Variants in NAV1 observed in about 807,000 individuals in gnomAD.
NAV1 encodes the protein pore membrane and/or filament interacting like protein 3.
NAV1 carries 18 observed loss-of-function variants against 175.2 expected under a neutral mutation model. That is an observed-to-expected ratio of 0.10 (90% CI 0.07 to 0.15). NAV1 has a LOEUF of 0.15. NAV1 is among the 10% of genes least tolerant of loss of function. NAV1 has a pLI of 1.00. For missense variants in NAV1, 1,731 were observed against 2,436.6 expected (o/e 0.71, Z 6.10); for synonymous variants, 897 against 978.7 (o/e 0.92, Z 1.56).
intron 1 of NAV1, among the ~76,000 whole-genome samples, chr1:201,564,146 A>G (rs901444797): frequency 6.9e-6 from 1 of 144,132 alleles, no homozygotes; most frequent in African/African-American, 2.7e-5. Flanking sequence ...AGGGAGGAAG[A>G]AAGGAAGGAA....
In NAV1 at chr1:201,702,678, C is replaced by CTCTCTCTCTCTT. The variant is rs1558080575; in HGVS notation, c.758-10128_758-10127insTTCTCTCTCTCT. Among the ~76,000 whole-genome samples the CTCTCTCTCTCTT allele has an allele frequency of 4.1e-3, 45 of 10,980 alleles. 8 individuals carry two copies. The highest frequency in any genetic ancestry group is 0.011 in the African/African-American group (42 of 3,768). 7.2% of individuals were successfully genotyped at this position (10,980 alleles called of 152,430 possible). A position where few individuals can be genotyped will look rare whatever the true frequency, so the allele number is the denominator to read the frequency against. ...GTGAATTTTGGTATGTGAATTCTCTCTCTCTCTCTCTCTCTCTCTCTCTCT... is the reference window on the plus strand; with the variant it reads ...GTGAATTTTGGTATGTGAATTCTCTCTCTCTCTCTCTTTCTCTCTCTCTCTCTCTCTCTCTCT... On this transcript the variant is annotated intron_variant, in intron 1 of 29. Transcript: ENST00000367296.
intron 3 of NAV1, among the ~76,000 whole-genome samples, chr1:201,719,157 CAAAA>C (rs10716495): frequency 7.4e-6 from 1 of 134,452 alleles, no homozygotes. Context: ...TTCCCATTTG[CAAAA>C]AAAAAAAAAA....
chr1:201,634,237 T>C (rs962799048), intron 2 of NAV1, among the ~76,000 whole-genome samples: 6 of 152,224 alleles, frequency 3.9e-5, no homozygotes, highest in African/African-American at 1.4e-4. Flanking sequence ...GGTAAAGCGC[T>C]TAGAAGAATG....
chr1:201,711,031 C>A lies in NAV1; in HGVS notation c.758-1786C>A, dbSNP rs914112191. ...TTTAGAATTCAACTTTATTTCTTGG[C>A]GAGTCTAAAAAATTGACCCTGTCTG... On this transcript the variant is annotated intron_variant, in intron 1 of 29. Coordinates refer to ENST00000367296, the Ensembl canonical transcript of NAV1. Among the ~76,000 whole-genome samples the A allele has an allele frequency of 7.9e-5, 12 of 152,198 alleles. 1 individual carries two copies. Among genetic ancestry groups the A allele is most frequent in the African/African-American group, 2.2e-4 (9 of 41,448 alleles).
chr1:201,663,340 A>G (rs1010658437), intron 1 of NAV1, among the ~76,000 whole-genome samples: 1 of 152,086 alleles, frequency 6.6e-6, no homozygotes, highest in African/African-American at 2.4e-5. Flanking sequence ...AAAGGGTAGC[A>G]CCTTATGTTC....
chr1:201,642,972 CACCG>C lies in NAV1; in HGVS notation c.5-5661_5-5658del, dbSNP rs1196637844. 3.6e-3 allele frequency among the ~76,000 whole-genome samples: 541 copies of C among 152,116 alleles called. 2 individuals are homozygous for C. The highest frequency in any genetic ancestry group is 0.012 in the African/African-American group (491 of 41,514). ...GTTTGTTTTAGTAGAGAAGGGGTTT[CACCG>C]TGTTAGCCAGGATGGTCTCAATCTC... On this transcript the variant is annotated intron_variant, in intron 2 of 29. Coordinates refer to the NAV1 transcript ENST00000367302.
chr1:201,665,591 CCCCCCCCACTG>C (rs1423781436), intron 1 of NAV1, among the ~76,000 whole-genome samples: 1 of 68,110 alleles, frequency 1.5e-5, no homozygotes, highest in Non-Finnish European at 2.9e-5. Context: ...GAGCACCCCA[CCCCCCCCACTG>C]CCCACCACCT....
intron 1 of NAV1, among the ~76,000 whole-genome samples, chr1:201,679,597 C>T (rs921113846): frequency 1.3e-5 from 2 of 152,204 alleles, no homozygotes; most frequent in African/African-American, 4.8e-5. Context: ...CCAGATACTT[C>T]ACGTGTCTTA....
Position 201,788,770 on chromosome 1 carries a change from A to C in NAV1, c.3166+132A>C, listed in dbSNP as rs926350732. 1 of 1,143,376 alleles carries C rather than the reference A, an allele frequency of 8.7e-7. No homozygotes were observed. Among genetic ancestry groups the C allele is most frequent in the Non-Finnish European group, 1.2e-6 (1 of 822,706 alleles). 70.8% of individuals were successfully genotyped at this position (1,143,376 alleles called of 1,614,324 possible). A position where few individuals can be genotyped will look rare whatever the true frequency, so the allele number is the denominator to read the frequency against. ...ACAGAACATCAAGTTGGGCCATTTC[A>C]GTTTTTTCTCCCCATCCCTTTGAAG... On this transcript the variant is annotated intron_variant, in intron 10 of 29. Coordinates refer to ENST00000367296, the Ensembl canonical transcript of NAV1. This position sits in a 1 kb window ranked among gnomAD's most constrained non-coding sequence, Gnocchi z 5.7.
intron 3 of NAV1, among the ~76,000 whole-genome samples, chr1:201,725,770 A>C (rs1182086634): frequency 6.6e-6 from 1 of 152,152 alleles, no homozygotes; most frequent in Non-Finnish European, 1.5e-5. Context: ...AGGCCTGGGC[A>C]ACATAGCAAG....
At chr1:201,720,002 G>A (rs1672308005) in intron 3 of NAV1, among the ~76,000 whole-genome samples, 2 of 152,226 alleles carry the variant, frequency 1.3e-5, no homozygotes, top group African/African-American at 2.4e-5. Flanking sequence ...AACAACTGAC[G>A]CATGAATGGA....
At chr1:201,600,365 C>T (rs1438613729) in intron 2 of NAV1, among the ~76,000 whole-genome samples, 1 of 152,224 alleles carries the variant, frequency 6.6e-6, no homozygotes, top group Non-Finnish European at 1.5e-5. Context: ...TTCTCCTTTT[C>T]CCCTGAAGCA....
Position 201,694,451 on chromosome 1 carries a change from G to A in NAV1, c.758-18366G>A, listed in dbSNP as rs1218142107. Among the ~76,000 whole-genome samples the A allele has an allele frequency of 6.6e-6, 1 of 152,174 alleles. No homozygotes were observed. Among genetic ancestry groups the A allele is most frequent in the Non-Finnish European group, 1.5e-5 (1 of 68,034 alleles). On this transcript the variant is annotated intron_variant, in intron 1 of 29. Transcript: ENST00000367296. The surrounding 1 kb of genome is among the most constrained non-coding windows in gnomAD (Gnocchi z 4.2). ...CATTAAAGATAGATGACCCTGGGGA[G>A]GGTGAGGGCCGGGGTCACCAGCTGC...
chr1:201,580,994 G>A (rs945142838), intron 1 of NAV1, among the ~76,000 whole-genome samples: 6 of 152,310 alleles, frequency 3.9e-5, no homozygotes, highest in African/African-American at 1.4e-4. Context: ...TCAGACAACA[G>A]GAGGGGCAGA....
intron 1 of NAV1, among the ~76,000 whole-genome samples, chr1:201,666,239 C>T (rs1669818728): frequency 6.6e-6 from 1 of 152,104 alleles, no homozygotes; most frequent in South Asian, 2.1e-4. Flanking sequence ...CCTCTTGCTT[C>T]TTGGCTCCCA....
intron 17 of NAV1, among the ~76,000 whole-genome samples, chr1:201,805,812 A>ACTTGGGGACTTG (rs987243130): frequency 1.3e-4 from 20 of 152,042 alleles, no homozygotes; most frequent in South Asian, 1.0e-3. Flanking sequence ...GGTCCCAGCT[A>ACTTGGGGACTTG]CTTGGGGGCT....
At chr1:201,667,422 G>A (rs968150036) in intron 1 of NAV1, among the ~76,000 whole-genome samples, 3 of 152,142 alleles carry the variant, frequency 2.0e-5, no homozygotes, top group African/African-American at 7.2e-5. Context: ...TCAGAGCCAG[G>A]TGGGATCATC....
At position 201,718,308 on chromosome 1, in the gene NAV1, G is replaced by C. The variant is rs199582280; in HGVS notation, c.861-82G>C. On this transcript the variant is annotated intron_variant, in intron 2 of 29. Coordinates refer to ENST00000367296, the Ensembl canonical transcript of NAV1. The surrounding 1 kb of genome is among the most constrained non-coding windows in gnomAD (Gnocchi z 4.8). ...GACAGGGCCTGTGGGTGGAGGGGAG[G>C]CATTGCTGGGGTGCATGTGAGGGGA... 5.0e-4 allele frequency: 685 copies of C among 1,370,064 alleles called. No homozygotes were observed. Among genetic ancestry groups the C allele is most frequent in the Non-Finnish European group, 6.2e-4 (656 of 1,050,698 alleles). The allele number at this position is 1,370,064 out of a possible 1,614,324, so 84.9% of individuals were successfully genotyped here. A position where few individuals can be genotyped will look rare whatever the true frequency, so the allele number is the denominator to read the frequency against.
chr1:201,791,128 G>A (rs1677092638), intron 13 of NAV1: 2 of 242,378 alleles, frequency 8.3e-6, no homozygotes, highest in Non-Finnish European at 1.6e-5. Flanking sequence ...ATAATTATAG[G>A]GCTCTTAGAG....
Sources: allele counts gnomAD v4.1 joint callset (sites outside exome capture counted in the v4.1 genomes callset), GRCh38; gene constraint gnomAD v4.1.1; non-coding constraint Gnocchi (gnomAD v3.1); transcripts MANE v1.5; gene names NCBI Gene and HGNC (gene_info 2026-07-23, HGNC 2026-07-21).